Variants in ROCK1 observed in about 807,000 individuals in gnomAD.
ROCK1 encodes rho-associated protein kinase 1.
In ROCK1, 36 loss-of-function variants were observed where a neutral mutation model predicts 196.8. The ratio of observed to expected loss-of-function variants is 0.18; its 90% CI spans 0.14 to 0.24. ROCK1 has a LOEUF of 0.24. Among genes scored for constraint, ROCK1 ranks in the 10% least tolerant of loss-of-function variants. ROCK1 has a pLI of 1.00. For missense variants in ROCK1, 920 were observed against 1,562.0 expected, an observed-to-expected ratio of 0.59 and a Z score of 6.93; for synonymous variants, 443 against 515.9, an observed-to-expected ratio of 0.86 and a Z score of 1.91.
Position 21,016,897 on chromosome 18 carries a change from GA to G in ROCK1, c.1362-1419del, listed in dbSNP as rs372080158. Among the ~76,000 whole-genome samples the G allele has an allele frequency of 9.3e-3, 1,411 of 150,990 alleles. 17 individuals are homozygous for G. The highest frequency in any genetic ancestry group is 0.033 in the African/African-American group (1,353 of 41,086). ...CTTAGCCCCCCCGCAAAAAAAAAGA[GA>G]AAAAAAAATTCTCCCCAATCTAGAC... is the stretch of plus-strand genomic sequence containing the variant. On this transcript the variant is annotated intron_variant, in intron 12 of 32. Coordinates refer to ENST00000399799, the MANE Select transcript of ROCK1 (RefSeq NM_005406.3).
Position 20,959,852 on chromosome 18 carries a change from AC to A in ROCK1, c.3499del (p.Val1167TyrfsTer4). 6.2e-7 allele frequency: 1 copy of A among 1,603,876 alleles called. No individual in the cohort carries two copies. Among genetic ancestry groups the A allele is most frequent in the South Asian group, 1.1e-5 (1 of 89,926 alleles). ...QDKEQSNPSM[V>X]LDIDKLFHVR... is the part of the protein sequence containing the mutation. ...AAAGGCAACTTACTCTATGTCCAAT[AC>A]CATAGATGGATTGGATTGCTCCTTA... On this transcript the variant is annotated frameshift_variant, in exon 29 of 33. Transcript: ENST00000399799. LOFTEE classifies it high-confidence loss of function.
intron 7 of ROCK1, 150 bp from the exon 8 acceptor site, chr18:21,042,385 C>T: frequency 1.0e-6 from 1 of 990,908 alleles, no homozygotes; most frequent in Non-Finnish European, 1.4e-6. Context: ...GAACACATCA[C>T]AAAGTTGCTC....
chr18:20,991,642 T>C (rs2035627152), intron 17 of ROCK1, among the ~76,000 whole-genome samples: 1 of 151,996 alleles, frequency 6.6e-6, no homozygotes, highest in African/African-American at 2.4e-5. Context: ...TTCTTTTCTT[T>C]TTTTTTTAAA....
chr18:21,107,017 G>T (rs2036708815), intron 1 of ROCK1, among the ~76,000 whole-genome samples: 1 of 152,142 alleles, frequency 6.6e-6, no homozygotes, highest in African/African-American at 2.4e-5. Flanking sequence ...ATACCCTGGG[G>T]ATGGGGACCA....
rs750457587 is a variant in ROCK1 at position 20,969,068 on chromosome 18, T to C, written c.2914+47A>G. On this transcript the variant is annotated intron_variant, in intron 24 of 32. Coordinates refer to ENST00000399799, the MANE Select transcript of ROCK1 (RefSeq NM_005406.3). ...CTAACACAACATAGGTAAAGATAAATCACTGAATTTGATTTAACATGATGA... is the reference window on the plus strand; with the variant it reads ...CTAACACAACATAGGTAAAGATAAACCACTGAATTTGATTTAACATGATGA... 5 of 1,241,290 alleles carry C rather than the reference T, an allele frequency of 4.0e-6. No homozygotes were observed. The African/African-American group carries it at 7.4e-5, about 18-fold the overall frequency. The allele number at this position is 1,241,290 out of a possible 1,614,324, so 76.9% of individuals were successfully genotyped here.
intron 29 of ROCK1, among the ~76,000 whole-genome samples, chr18:20,956,065 GGAAA>G (rs1370495605): frequency 2.9e-5 from 4 of 138,318 alleles, no homozygotes; most frequent in Non-Finnish European, 6.5e-5. Context: ...CATACAGATT[GGAAA>G]GAAAGGAGTA....
intron 11 of ROCK1, 131 bp from the exon 12 acceptor site, chr18:21,020,370 A>T: frequency 2.2e-6 from 1 of 457,490 alleles, no homozygotes. Context: ...TTTCTATCTC[A>T]ATTTTTTTAT....
At chr18:21,075,266 A>G (rs559069999) in intron 1 of ROCK1, among the ~76,000 whole-genome samples, 1 of 152,338 alleles carries the variant, frequency 6.6e-6, no homozygotes, top group South Asian at 2.1e-4. Context: ...AGACTGAAAA[A>G]CTGGGTAAAC....
chr18:21,092,356 A>G lies in ROCK1; in HGVS notation c.93+18462T>C, dbSNP rs145477659. Among the ~76,000 whole-genome samples the G allele has an allele frequency of 2.8e-3, 428 of 152,098 alleles. 3 individuals carry two copies. The highest frequency in any genetic ancestry group is 3.5e-3 in the Non-Finnish European group (238 of 67,966). ...CAGCACTTTGGAAAGCCAAGGTGGG[A>G]GGATTGCTTGAGCCCAGGAGTTCAA... On this transcript the variant is annotated intron_variant, in intron 1 of 32. Coordinates refer to ENST00000399799, the MANE Select transcript of ROCK1 (RefSeq NM_005406.3).
intron 16 of ROCK1, among the ~76,000 whole-genome samples, chr18:21,004,565 T>C (rs2035753093): frequency 6.6e-6 from 1 of 152,218 alleles, no homozygotes; most frequent in South Asian, 2.1e-4. Flanking sequence ...ATCTAAAAAA[T>C]AGATTCAGTT....
At chr18:21,098,798 T>C (rs1009573901) in intron 1 of ROCK1, among the ~76,000 whole-genome samples, 8 of 152,282 alleles carry the variant, frequency 5.3e-5, no homozygotes, top group Non-Finnish European at 1.0e-4. Context: ...TATGAAAAGA[T>C]ATTCAACCTT....
intron 13 of ROCK1, among the ~76,000 whole-genome samples, chr18:21,010,003 G>A (rs2035803178): frequency 6.6e-6 from 1 of 152,090 alleles, no homozygotes; most frequent in Non-Finnish European, 1.5e-5. Context: ...CTGTTCATAG[G>A]ATTTCCTTAT....
rs1239220136 is a variant in ROCK1, at chr18:20,980,085, T to C, written c.2560-81A>G. 1.7e-5 allele frequency: 24 copies of C among 1,384,324 alleles called. No individual in the cohort carries two copies. The East Asian group carries it at 5.2e-4, about 30-fold the overall frequency. The allele number at this position is 1,384,324 out of a possible 1,614,324, so 85.8% of individuals were successfully genotyped here. ...GGCAGTTTCTTATAAATTTAAAAAA[T>C]TAACATATGATCCAACAATTCCACT... On this transcript the variant is annotated intron_variant, in intron 21 of 32. Coordinates refer to ENST00000399799, the MANE Select transcript of ROCK1 (RefSeq NM_005406.3).
chr18:20,976,224 T>C (rs559852045), intron 22 of ROCK1, among the ~76,000 whole-genome samples: 1 of 152,316 alleles, frequency 6.6e-6, no homozygotes, highest in South Asian at 2.1e-4. Flanking sequence ...ATATTTAAGG[T>C]CAATCTCTCA....
chr18:20,955,643 A>G lies in ROCK1; in HGVS notation c.3513-398T>C, dbSNP rs201907020. On this transcript the variant is annotated intron_variant, in intron 29 of 32. Transcript: ENST00000399799. ...AAAATTCATATAACATTTTATATCT[A>G]TTTAAAAAAACCTGCACATAGATGT... Among the ~76,000 whole-genome samples the G allele has an allele frequency of 2.2e-3, 289 of 131,352 alleles. 1 individual carries two copies. Among genetic ancestry groups the G allele is most frequent in the Middle Eastern group, 0.015 (4 of 266 alleles). The allele number at this position is 131,352 out of a possible 152,430, so 86.2% of individuals were successfully genotyped here.
chr18:21,038,132 G>A (rs1220255715), intron 9 of ROCK1, among the ~76,000 whole-genome samples: 1 of 152,066 alleles, frequency 6.6e-6, no homozygotes, highest in Admixed American at 6.5e-5. Context: ...ACTTTACTAA[G>A]AGAATAACCT....
intron 21 of ROCK1, among the ~76,000 whole-genome samples, chr18:20,980,739 A>C (rs1293548347): frequency 6.6e-6 from 1 of 151,780 alleles, no homozygotes; most frequent in African/African-American, 2.4e-5. Flanking sequence ...ACACAGTGAA[A>C]CCTCGTTTCT....
intron 12 of ROCK1, among the ~76,000 whole-genome samples, chr18:21,016,156 A>G (rs1410076171): frequency 6.6e-6 from 1 of 152,242 alleles, no homozygotes; most frequent in African/African-American, 2.4e-5. Context: ...AACAACTGTA[A>G]TAAGAAAACA....
At chr18:21,007,883 A>T (rs916884551) in intron 14 of ROCK1, among the ~76,000 whole-genome samples, 176 bp downstream of exon 14, 7 of 152,150 alleles carry the variant, frequency 4.6e-5, no homozygotes, top group Non-Finnish European at 8.8e-5. Flanking sequence ...ATGTAATTTA[A>T]TATTTAATTT....
Sources: allele counts gnomAD v4.1 joint callset (sites outside exome capture counted in the v4.1 genomes callset), GRCh38; gene constraint gnomAD v4.1.1; transcripts MANE v1.5; gene names NCBI Gene and HGNC (gene_info 2026-07-23, HGNC 2026-07-21).